Variants in TTC29 observed in about 807,000 individuals in gnomAD.
The protein encoded by TTC29 is tetratricopeptide repeat protein 29.
TTC29 carries 49 observed loss-of-function variants against 58.1 expected under a neutral mutation model. That is an observed-to-expected ratio of 0.84 (90% CI 0.67 to 1.07). The LOEUF (loss-of-function observed/expected upper bound fraction) is 1.07, where lower values mean the gene tolerates loss of function less well. TTC29 is among the 50% of genes least tolerant of loss of function. The probability of loss-of-function intolerance (pLI) is 0.00; values close to 1 mark genes in which losing one functional copy is unlikely to be tolerated. For missense variants in TTC29, 582 were observed against 555.6 expected (o/e 1.05, Z -0.48); for synonymous variants, 209 against 196.8 (o/e 1.06, Z -0.52).
At chr4:146,713,412 C>G (rs1351768059) in intron 11 of TTC29, among the ~76,000 whole-genome samples, 1 of 151,952 alleles carries the variant, frequency 6.6e-6, no homozygotes, top group Non-Finnish European at 1.5e-5. Context: ...GAGTTAATCT[C>G]ACTCTATCAA....
intron 8 of TTC29, among the ~76,000 whole-genome samples, chr4:146,858,554 AC>A (rs1182923910): frequency 6.6e-6 from 1 of 152,190 alleles, no homozygotes; most frequent in Non-Finnish European, 1.5e-5. Context: ...GTTTGAGAAT[AC>A]CGTAGGTCTA....
In TTC29 at chr4:146,903,622, C is replaced by G; in HGVS notation, c.508G>C (p.Ala170Pro). Reference sequence around the variant, plus strand: ...CCACAGTCAATTTTGATCAGCTGAGCAATCTTAAAACATCGTTCATAGAAG... The same window carrying G: ...CCACAGTCAATTTTGATCAGCTGAGGAATCTTAAAACATCGTTCATAGAAG... ...NHFYERCFKI[A>P]QLIKIDCGKK... The change falls in exon 6 of 13, where the codon GCT becomes CCT. Residue 170 changes from alanine (A) to proline (P), a missense_variant. Coordinates refer to ENST00000325106, the MANE Select transcript of TTC29 (RefSeq NM_031956.4). 1 of 1,613,030 alleles carries G rather than the reference C, an allele frequency of 6.2e-7. No homozygotes were observed. Among genetic ancestry groups the G allele is most frequent in the Non-Finnish European group, 8.5e-7 (1 of 1,179,464 alleles).
chr4:146,822,322 T>A (rs1039611476), intron 9 of TTC29, among the ~76,000 whole-genome samples: 13 of 152,132 alleles, frequency 8.5e-5, no homozygotes, highest in African/African-American at 3.1e-4. Context: ...CTTGTGTGAG[T>A]GAGAACATGT....
intron 6 of TTC29, among the ~76,000 whole-genome samples, chr4:146,887,351 A>G (rs1444637931): frequency 6.6e-6 from 1 of 152,188 alleles, no homozygotes; most frequent in Non-Finnish European, 1.5e-5. Context: ...TGTTACTGCC[A>G]TTATGTAGCT....
At chr4:146,748,450 C>A (rs1490106355) in intron 11 of TTC29, among the ~76,000 whole-genome samples, 1 of 152,176 alleles carries the variant, frequency 6.6e-6, no homozygotes, top group Non-Finnish European at 1.5e-5. Context: ...AACCCAGCAC[C>A]ACTGTGACTG....
chr4:146,734,173 A>G (rs1310018238), intron 11 of TTC29, among the ~76,000 whole-genome samples: 1 of 152,162 alleles, frequency 6.6e-6, no homozygotes, highest in Non-Finnish European at 1.5e-5. Context: ...CAAAAGAGGT[A>G]GGAGGGTATA....
intron 4 of TTC29, among the ~76,000 whole-genome samples, chr4:146,928,560 T>C (rs1225845328): frequency 6.6e-6 from 1 of 152,216 alleles, no homozygotes; most frequent in Admixed American, 6.5e-5. Flanking sequence ...GTGCCTACTA[T>C]GTGGATACTG....
intron 11 of TTC29, among the ~76,000 whole-genome samples, chr4:146,711,291 G>T (rs977069725): frequency 3.3e-5 from 5 of 152,116 alleles, no homozygotes; most frequent in African/African-American, 9.7e-5. Context: ...TGATATGAAG[G>T]CTGTATTGTA....
chr4:146,797,638 C>T (rs762065269), intron 11 of TTC29, among the ~76,000 whole-genome samples: 20 of 151,374 alleles, frequency 1.3e-4, no homozygotes, highest in Non-Finnish European at 2.8e-4. Flanking sequence ...TATGTAGTGT[C>T]CTTCCTCTCC....
intron 8 of TTC29, among the ~76,000 whole-genome samples, chr4:146,846,639 C>G (rs1221450768): frequency 6.6e-6 from 1 of 152,078 alleles, no homozygotes; most frequent in Non-Finnish European, 1.5e-5. Flanking sequence ...AGAAAAGGAT[C>G]AGGGGGTGTT....
intron 6 of TTC29, among the ~76,000 whole-genome samples, chr4:146,887,204 C>T (rs954990305): frequency 3.3e-5 from 5 of 152,028 alleles, no homozygotes; most frequent in African/African-American, 1.2e-4. Context: ...GGATAGATCT[C>T]ATTAAGTATT....
At chr4:146,932,127 G>C (rs1319781904) in intron 4 of TTC29, among the ~76,000 whole-genome samples, 1 of 152,024 alleles carries the variant, frequency 6.6e-6, no homozygotes, top group East Asian at 1.9e-4. Context: ...TTTTCAAAAA[G>C]AAGTGGCAAT....
intron 9 of TTC29, among the ~76,000 whole-genome samples, chr4:146,830,775 G>A (rs1476813117): frequency 1.3e-5 from 2 of 151,616 alleles, no homozygotes; most frequent in Admixed American, 1.3e-4. Context: ...GTTTATATGT[G>A]TGGGTATGTG....
At chr4:146,931,289 A>G (rs180933894) in intron 4 of TTC29, among the ~76,000 whole-genome samples, 73 of 152,346 alleles carry the variant, frequency 4.8e-4, no homozygotes, top group African/African-American at 1.7e-3. Context: ...AGCAAAAGAT[A>G]TAACTATACA....
At chr4:146,728,858 C>CATATATAT (rs1344862897) in intron 11 of TTC29, among the ~76,000 whole-genome samples, 4,816 of 40,992 alleles carry the variant, frequency 0.12, 870 homozygotes, top group Middle Eastern at 0.33. Context: ...TATATATATA[C>CATATATAT]ACATATATAT....
chr4:146,796,863 T>C (rs975855657), intron 11 of TTC29, among the ~76,000 whole-genome samples: 2 of 152,040 alleles, frequency 1.3e-5, no homozygotes, highest in Admixed American at 6.6e-5. Context: ...TCATAGCAAA[T>C]AGAAAGCCAT....
At chr4:146,712,923 C>T (rs1352383622) in intron 11 of TTC29, among the ~76,000 whole-genome samples, 1 of 151,992 alleles carries the variant, frequency 6.6e-6, no homozygotes, top group East Asian at 1.9e-4. Context: ...TCACAGTTGT[C>T]AGAAAGGAGC....
At chr4:146,917,018 AAT>A (rs1734266088) in intron 4 of TTC29, among the ~76,000 whole-genome samples, 1 of 151,182 alleles carries the variant, frequency 6.6e-6, no homozygotes, top group Non-Finnish European at 1.5e-5. Flanking sequence ...ATCCAAATAA[AAT>A]ATATATATAA....
chr4:146,808,684 T>C (rs1412000696), intron 10 of TTC29, among the ~76,000 whole-genome samples: 2 of 152,158 alleles, frequency 1.3e-5, no homozygotes, highest in Admixed American at 6.5e-5. Flanking sequence ...TACAGGGATG[T>C]GAAGGACCTC....
Sources: gnomAD v4.1 joint callset for allele counts (sites outside exome capture counted in the v4.1 genomes callset) on GRCh38, gnomAD v4.1.1 for gene constraint, MANE v1.5 for transcripts, NCBI Gene and HGNC (gene_info 2026-07-23, HGNC 2026-07-21) for gene names.